The following ZCCHC7 variants were observed in gnomAD, a reference collection of about 807,000 sequenced individuals.
The protein encoded by ZCCHC7 is zinc finger CCHC-type containing 7.
Under a neutral mutation model 52.0 loss-of-function variants are expected in ZCCHC7, and 35 were observed. The ratio of observed to expected loss-of-function variants is 0.67; its 90% CI spans 0.51 to 0.89. The LOEUF is 0.89. Among genes scored for constraint, ZCCHC7 ranks in the 40% least tolerant of loss-of-function variants. The pLI is 0.00. For missense variants in ZCCHC7, 574 were observed against 649.1 expected (o/e 0.88, Z 1.26); for synonymous variants, 217 against 221.5 (o/e 0.98, Z 0.18).
rs1398601421 is a variant in ZCCHC7 at position 37,356,087 on chromosome 9, A to G, written c.1199-748A>G. ...AGCATAAATCCACTTTGAGGTGTTC[A>G]CTATGATCCTTTGAAATTTTTATAA... is the stretch of plus-strand genomic sequence containing the variant. On this transcript the variant is annotated intron_variant, in intron 8 of 8. Coordinates refer to ENST00000336755, the MANE Select transcript of ZCCHC7 (RefSeq NM_032226.3). Among the ~76,000 whole-genome samples the G allele has an allele frequency of 2.0e-5, 3 of 152,304 alleles. No homozygotes were observed. The East Asian group carries it at 5.8e-4, about 29-fold the overall frequency.
intron 5 of ZCCHC7, among the ~76,000 whole-genome samples, chr9:37,321,978 A>C (rs1264545442): frequency 6.6e-6 from 1 of 152,160 alleles, no homozygotes; most frequent in African/African-American, 2.4e-5. Flanking sequence ...GAAATCACTC[A>C]TGGCAGTTGT....
At chr9:37,158,062 A>G (rs1314179901) in intron 2 of ZCCHC7, among the ~76,000 whole-genome samples, 3 of 152,218 alleles carry the variant, frequency 2.0e-5, no homozygotes, top group African/African-American at 4.8e-5. Flanking sequence ...GCAGAAGTGA[A>G]TGGGTGAACT....
chr9:37,190,811 G>A (rs1822977040), intron 2 of ZCCHC7, among the ~76,000 whole-genome samples: 1 of 152,092 alleles, frequency 6.6e-6, no homozygotes, highest in African/African-American at 2.4e-5. Flanking sequence ...CTGAAGTCAG[G>A]AGTTCGAGAC....
chr9:37,241,243 T>G (rs1825861129), intron 2 of ZCCHC7, among the ~76,000 whole-genome samples: 1 of 151,800 alleles, frequency 6.6e-6, no homozygotes. Context: ...GAGCTGAGTA[T>G]TTGGTGTGGT....
chr9:37,250,142 G>GA (rs1458560680), intron 2 of ZCCHC7, among the ~76,000 whole-genome samples: 3 of 152,078 alleles, frequency 2.0e-5, no homozygotes, highest in Non-Finnish European at 4.4e-5. Flanking sequence ...TAAGTTCTGT[G>GA]AAAAAATCTA....
At chr9:37,161,724 A>C (rs1821118980) in intron 2 of ZCCHC7, among the ~76,000 whole-genome samples, 1 of 152,242 alleles carries the variant, frequency 6.6e-6, no homozygotes. Context: ...TGGCAGCTAT[A>C]GTATACGGAA....
chr9:37,241,982 A>G (rs1825892561), intron 2 of ZCCHC7, among the ~76,000 whole-genome samples: 1 of 151,674 alleles, frequency 6.6e-6, no homozygotes, highest in East Asian at 1.9e-4. Flanking sequence ...TTTCTGTTAA[A>G]ATAGGTTTTG....
At chr9:37,301,156 T>G (rs2133690556) in intron 2 of ZCCHC7, among the ~76,000 whole-genome samples, 1 of 152,336 alleles carries the variant, frequency 6.6e-6, no homozygotes, top group East Asian at 1.9e-4. Context: ...TTGGTAGAAA[T>G]ACTTTTCCTC....
chr9:37,122,421 C>T (rs1274769024), intron 1 of ZCCHC7, among the ~76,000 whole-genome samples: 2 of 152,188 alleles, frequency 1.3e-5, no homozygotes, highest in Non-Finnish European at 2.9e-5. Flanking sequence ...CTTTTCTGGT[C>T]ATGGGATTGA....
chr9:37,186,667 A>G (rs893868184), intron 2 of ZCCHC7: 1 of 564,236 alleles, frequency 1.8e-6, no homozygotes, highest in East Asian at 3.0e-5. Context: ...AGAAAATTAT[A>G]CTCTTAGAAT....
chr9:37,174,556 G>A (rs1010837987), intron 2 of ZCCHC7, among the ~76,000 whole-genome samples: 1 of 152,036 alleles, frequency 6.6e-6, no homozygotes. Flanking sequence ...TCTCAATAAA[G>A]GCATAGAAAA....
At chr9:37,139,388 G>A (rs1489333967) in intron 2 of ZCCHC7, among the ~76,000 whole-genome samples, 1 of 151,962 alleles carries the variant, frequency 6.6e-6, no homozygotes, top group Admixed American at 6.6e-5. Flanking sequence ...ACTTAAAGGA[G>A]TATGACTTGC....
intron 2 of ZCCHC7, among the ~76,000 whole-genome samples, chr9:37,177,498 A>T (rs1250027175): frequency 6.6e-6 from 1 of 152,116 alleles, no homozygotes; most frequent in Non-Finnish European, 1.5e-5. Flanking sequence ...TGCCCCATTG[A>T]GCCATACCTA....
At chr9:37,138,081 A>C (rs1843074487) in intron 2 of ZCCHC7, among the ~76,000 whole-genome samples, 1 of 152,148 alleles carries the variant, frequency 6.6e-6, no homozygotes, top group African/African-American at 2.4e-5. Flanking sequence ...ACAGTTCCTA[A>C]AGCTGCTTTT....
At chr9:37,133,777 C>T (rs983350518) in intron 2 of ZCCHC7, among the ~76,000 whole-genome samples, 28 of 151,980 alleles carry the variant, frequency 1.8e-4, no homozygotes, top group Non-Finnish European at 1.0e-4. Flanking sequence ...TTAGTAGAAA[C>T]GGGGTTTCAC....
chr9:37,336,961 G>A (rs545022305), intron 6 of ZCCHC7, among the ~76,000 whole-genome samples: 23 of 152,168 alleles, frequency 1.5e-4, no homozygotes, highest in Admixed American at 7.2e-4. Flanking sequence ...CCCTGTCACC[G>A]ATCCCGCATG....
At chr9:37,265,483 T>C (rs1303883660) in intron 2 of ZCCHC7, among the ~76,000 whole-genome samples, 1 of 152,212 alleles carries the variant, frequency 6.6e-6, no homozygotes, top group Non-Finnish European at 1.5e-5. Context: ...TTTAATAGTT[T>C]CTGATTTTAG....
intron 2 of ZCCHC7, among the ~76,000 whole-genome samples, chr9:37,132,766 GCTT>G (rs1240166395): frequency 2.7e-4 from 41 of 152,260 alleles, no homozygotes; most frequent in Admixed American, 8.5e-4. Flanking sequence ...CAATCTTTTG[GCTT>G]CCATGGGCCA....
chr9:37,325,056 A>T (rs767323311), intron 5 of ZCCHC7, among the ~76,000 whole-genome samples: 14 of 152,266 alleles, frequency 9.2e-5, no homozygotes, highest in Non-Finnish European at 1.5e-4. Context: ...CAAAATGCAC[A>T]ATATAAACTC....
Sources: gnomAD v4.1 joint callset for allele counts (sites outside exome capture counted in the v4.1 genomes callset) on GRCh38, gnomAD v4.1.1 for gene constraint, MANE v1.5 for transcripts, NCBI Gene and HGNC (gene_info 2026-07-23, HGNC 2026-07-21) for gene names.